FAM117A: variants seen among roughly 807,000 people sequenced by gnomAD.
FAM117A encodes the protein protein FAM117A.
In FAM117A, 21 loss-of-function variants were observed where a neutral mutation model predicts 44.1. That is an observed-to-expected ratio of 0.48 (90% CI 0.34 to 0.69). The LOEUF (loss-of-function observed/expected upper bound fraction) is 0.69, where lower values mean the gene tolerates loss of function less well. FAM117A is among the 30% of genes least tolerant of loss of function. The probability of loss-of-function intolerance (pLI) is 0.01; values close to 1 mark genes in which losing one functional copy is unlikely to be tolerated. For synonymous variants in FAM117A, 220 were observed against 238.3 expected, an observed-to-expected ratio of 0.92 and a Z score of 0.71; for missense variants, 498 against 589.9, an observed-to-expected ratio of 0.84 and a Z score of 1.61.
At chr17:49,783,512 G>T (rs1031480309) in intron 1 of FAM117A, among the ~76,000 whole-genome samples, 2 of 152,134 alleles carry the variant, frequency 1.3e-5, no homozygotes, top group African/African-American at 4.8e-5. Flanking sequence ...TGAGCCTGCT[G>T]GGATCTGTCC....
intron 1 of FAM117A, among the ~76,000 whole-genome samples, chr17:49,775,981 A>C (rs1438844488): frequency 6.6e-6 from 1 of 152,024 alleles, no homozygotes; most frequent in African/African-American, 2.4e-5. Context: ...GGATTCCTGA[A>C]CCAATGGTGG....
chr17:49,743,559 C>G (rs897828767), intron 1 of FAM117A, among the ~76,000 whole-genome samples: 1 of 152,134 alleles, frequency 6.6e-6, no homozygotes, highest in African/African-American at 2.4e-5. Flanking sequence ...GAAACCCCGT[C>G]TCTACTAAAA....
At chr17:49,770,985 T>G (rs1395875270) in intron 1 of FAM117A, among the ~76,000 whole-genome samples, 1 of 152,016 alleles carries the variant, frequency 6.6e-6, no homozygotes, top group Non-Finnish European at 1.5e-5. Flanking sequence ...GGTGGGTGAA[T>G]CACTTGAGGT....
chr17:49,773,849 G>A (rs1425668678), intron 1 of FAM117A, among the ~76,000 whole-genome samples: 4 of 152,034 alleles, frequency 2.6e-5, no homozygotes, highest in Non-Finnish European at 5.9e-5. Flanking sequence ...CACCACCCTG[G>A]TTCAAGCGAT....
At chr17:49,788,537 C>T in exon 1 of FAM117A, 1 of 381,354 alleles carries the variant, frequency 2.6e-6, no homozygotes, top group Non-Finnish European at 4.7e-6. Flanking sequence ...CCACTGGAGT[C>T]ACTTTCTGCC....
At chr17:49,775,641 A>G (rs755585563) in intron 1 of FAM117A, among the ~76,000 whole-genome samples, 2 of 152,186 alleles carry the variant, frequency 1.3e-5, no homozygotes, top group Non-Finnish European at 2.9e-5. Context: ...TGTGTTGTGC[A>G]GCGGAAGGGC....
At chr17:49,724,694 G>A (rs1339663268) in intron 2 of FAM117A, among the ~76,000 whole-genome samples, 2 of 151,622 alleles carry the variant, frequency 1.3e-5, no homozygotes, top group African/African-American at 2.4e-5. Flanking sequence ...TTAACTGGGC[G>A]CCTGTAATCC....
intron 1 of FAM117A, among the ~76,000 whole-genome samples, chr17:49,785,060 G>A (rs2073801867): frequency 6.6e-6 from 1 of 152,214 alleles, no homozygotes; most frequent in African/African-American, 2.4e-5. Context: ...AGAGTGACTG[G>A]AAATATAAAT....
Position 49,717,541 on chromosome 17 carries a change from C to T in FAM117A, c.882G>A (p.Glu294=). Residue 294 remains glutamate (E), a synonymous_variant, in exon 6 of 8, where the codon GAG becomes GAA. Coordinates refer to ENST00000240364, the MANE Select transcript of FAM117A (RefSeq NM_030802.4). The part of the protein sequence containing the change: ...ASHEEHRGAA[E]ELASTPNDKA... Reference sequence around the variant, plus strand: ...TGTCGTTGGGGGTGGATGCCAGCTCCTCGGCGGCACCCCGATGTTCCTCAT... The same window carrying T: ...TGTCGTTGGGGGTGGATGCCAGCTCTTCGGCGGCACCCCGATGTTCCTCAT... 6.2e-7 allele frequency: 1 copy of T among 1,614,098 alleles called. No individual in the cohort carries two copies. The highest frequency in any genetic ancestry group is 8.5e-7 in the Non-Finnish European group (1 of 1,180,000).
At chr17:49,735,061 T>A (rs1458346577) in intron 1 of FAM117A, among the ~76,000 whole-genome samples, 1 of 152,174 alleles carries the variant, frequency 6.6e-6, no homozygotes, top group East Asian at 1.9e-4. Context: ...CTGTTTGAGA[T>A]GATGAAATTC....
rs1314140200 is a variant in FAM117A at position 49,732,513 on chromosome 17, TCC to T, written c.366+36_366+37del. ...CTCCTCAGCCAGCTCTCCCGCCCCATCCTTATCCCTTATCCCATCAGGAGAGA... is the reference window on the plus strand; with the variant it reads ...CTCCTCAGCCAGCTCTCCCGCCCCATTTATCCCTTATCCCATCAGGAGAGA... On this transcript the variant is annotated intron_variant, in intron 2 of 7. Transcript: ENST00000240364. 7.5e-6 allele frequency: 12 copies of T among 1,608,776 alleles called. No individual in the cohort carries two copies. In the African/African-American group the frequency reaches 1.5e-4, roughly 20 times the overall value.
At chr17:49,733,784 T>C (rs1294599769) in intron 1 of FAM117A, among the ~76,000 whole-genome samples, 1 of 152,140 alleles carries the variant, frequency 6.6e-6, no homozygotes, top group East Asian at 1.9e-4. Flanking sequence ...ACTGGAATCA[T>C]TTGGAAGTTG....
At chr17:49,717,392 A>G in intron 6 of FAM117A, 121 bp downstream of exon 6, 1 of 747,344 alleles carries the variant, frequency 1.3e-6, no homozygotes, top group Non-Finnish European at 2.2e-6. Flanking sequence ...AAGATGACTC[A>G]TAAAGATATT....
chr17:49,758,262 T>A (rs1598033219), intron 1 of FAM117A, among the ~76,000 whole-genome samples: 1 of 148,582 alleles, frequency 6.7e-6, no homozygotes, highest in Non-Finnish European at 1.5e-5. Flanking sequence ...AATCTGAAGG[T>A]GGAGGTTGCC....
intron 7 of FAM117A, 22 bp downstream of exon 7, chr17:49,716,143 C>G (rs999213312): frequency 6.3e-7 from 1 of 1,599,240 alleles, no homozygotes. Context: ...CCTCCCACAC[C>G]CTGTCCACTT....
At chr17:49,780,668 G>A (rs1336018806) in intron 1 of FAM117A, among the ~76,000 whole-genome samples, 1 of 152,104 alleles carries the variant, frequency 6.6e-6, no homozygotes, top group African/African-American at 2.4e-5. Flanking sequence ...ACCGCGCCCA[G>A]CCTCTCCTCA....
At chr17:49,774,720 G>A (rs572520139) in intron 1 of FAM117A, among the ~76,000 whole-genome samples, 9 of 152,234 alleles carry the variant, frequency 5.9e-5, no homozygotes, top group African/African-American at 2.2e-4. Context: ...TTGAGTCAGT[G>A]TTTGTTATTT....
rs140500484 is a variant in FAM117A at position 49,717,690 on chromosome 17, G to A, written c.733C>T (p.Arg245Trp). Residue 245 changes from arginine (R) to tryptophan (W), a missense_variant, in exon 6 of 8, where the codon CGG becomes TGG. Around this residue, in one of 3 missense-constraint regions of FAM117A, gnomAD observed 224 missense variants for 296.5 expected, o/e 0.76. Transcript: ENST00000240364. ...LRILDIPDGHRAPAPPQSGSC... is the reference protein window; with the variant it reads ...LRILDIPDGHWAPAPPQSGSC... ...CCACTCTGGGGAGGAGCTGGGGCCC[G>A]GTGCCCATCAGGGATATCAAGGATC... 9.7e-5 allele frequency: 157 copies of A among 1,611,202 alleles called. No individual in the cohort carries two copies. Among genetic ancestry groups the A allele is most frequent in the Non-Finnish European group, 1.1e-4 (135 of 1,178,204 alleles).
rs781624561 is a variant in FAM117A at position 49,717,545 on chromosome 17, G to A, written c.878C>T (p.Ala293Val). 4.1e-5 allele frequency: 66 copies of A among 1,613,980 alleles called. No individual in the cohort carries two copies. Among genetic ancestry groups the A allele is most frequent in the Non-Finnish European group, 5.5e-5 (65 of 1,179,990 alleles). Residue 293 changes from alanine to valine, a missense_variant, in exon 6 of 8, where the codon GCC becomes GTC. This residue lies in a region of FAM117A where 224 missense variants were observed against 296.5 expected (regional missense o/e 0.76). Coordinates refer to ENST00000240364, the MANE Select transcript of FAM117A (RefSeq NM_030802.4). ...LASHEEHRGA[A>V]EELASTPNDK... ...GTTGGGGGTGGATGCCAGCTCCTCG[G>A]CGGCACCCCGATGTTCCTCATGACT...
Sources: gnomAD v4.1 joint callset for allele counts (sites outside exome capture counted in the v4.1 genomes callset) on GRCh38, gnomAD v4.1.1 for gene constraint, gnomAD v4.1.1 regional missense constraint, MANE v1.5 for transcripts, NCBI Gene and HGNC (gene_info 2026-07-23, HGNC 2026-07-21) for gene names.